Variants in UBE2R2 observed in about 807,000 individuals in gnomAD.
UBE2R2 encodes the protein ubiquitin conjugating enzyme E2 R2.
A neutral mutation model predicts 27.8 loss-of-function variants in UBE2R2; 1 was observed. The ratio of observed to expected loss-of-function variants is 0.04; its 90% confidence interval spans 0.01 to 0.17. The LOEUF (loss-of-function observed/expected upper bound fraction) is 0.17, where lower values mean the gene tolerates loss of function less well. Among genes scored for constraint, UBE2R2 ranks in the 10% least tolerant of loss-of-function variants. UBE2R2 has a pLI of 1.00. For missense variants in UBE2R2, 100 were observed against 291.0 expected, an observed-to-expected ratio of 0.34 and a Z score of 4.78; for synonymous variants, 106 against 113.3, an observed-to-expected ratio of 0.94 and a Z score of 0.41.
intron 1 of UBE2R2, among the ~76,000 whole-genome samples, chr9:33,832,863 T>C (rs1208436135): frequency 1.3e-5 from 2 of 152,144 alleles, no homozygotes; most frequent in African/African-American, 2.4e-5. Flanking sequence ...TGAATTTTGA[T>C]AAATGTATAG....
intron 1 of UBE2R2, among the ~76,000 whole-genome samples, chr9:33,860,981 C>G (rs1489208996): frequency 7.3e-6 from 1 of 137,660 alleles, no homozygotes; most frequent in African/African-American, 2.7e-5. Flanking sequence ...TTTTTTGAGA[C>G]GGAGTCTCGC....
chr9:33,885,017 A>G (rs989759804), intron 1 of UBE2R2, among the ~76,000 whole-genome samples: 1 of 152,164 alleles, frequency 6.6e-6, no homozygotes, highest in African/African-American at 2.4e-5. Flanking sequence ...TGGTCAGGTA[A>G]TGATTGAACA....
chr9:33,860,397 T>TA (rs1208994190), intron 1 of UBE2R2, among the ~76,000 whole-genome samples: 2 of 152,218 alleles, frequency 1.3e-5, no homozygotes, highest in Non-Finnish European at 2.9e-5. Context: ...AGTGACCTGT[T>TA]ACTACGCCCT....
chr9:33,855,568 G>A (rs148321280), intron 1 of UBE2R2, among the ~76,000 whole-genome samples: 64 of 152,244 alleles, frequency 4.2e-4, no homozygotes, highest in Non-Finnish European at 8.2e-4. Context: ...TGAGAGGAGG[G>A]TGATCCCCAG....
chr9:33,910,692 G>A (rs1822464395), intron 3 of UBE2R2, among the ~76,000 whole-genome samples: 1 of 152,174 alleles, frequency 6.6e-6, no homozygotes, highest in East Asian at 1.9e-4. Flanking sequence ...TAGTTCTTCT[G>A]TTTGAAGGAT....
At chr9:33,830,529 G>T (rs1344824757) in intron 1 of UBE2R2, among the ~76,000 whole-genome samples, 1 of 151,088 alleles carries the variant, frequency 6.6e-6, no homozygotes, top group Non-Finnish European at 1.5e-5. Flanking sequence ...CACTTTGGGA[G>T]GTCGAGGTGG....
chr9:33,895,961 C>T lies in UBE2R2; in HGVS notation c.265-4213C>T, dbSNP rs538554818. On this transcript the variant is annotated intron_variant, in intron 2 of 4. Coordinates refer to ENST00000263228, the MANE Select transcript of UBE2R2 (RefSeq NM_017811.4). ...CAAATTTTTTGTATTTTTGTAGAGACGGGGTTTCACCATGTTGGCCAGGAT... is the reference window on the plus strand; with the variant it reads ...CAAATTTTTTGTATTTTTGTAGAGATGGGGTTTCACCATGTTGGCCAGGAT... 7.3e-5 allele frequency among the ~76,000 whole-genome samples: 11 copies of T among 151,664 alleles called. No individual in the cohort carries two copies. In the South Asian group the frequency reaches 1.9e-3, roughly 26 times the overall value.
chr9:33,884,362 GC>G (rs1264115897), intron 1 of UBE2R2, among the ~76,000 whole-genome samples: 1 of 145,192 alleles, frequency 6.9e-6, no homozygotes, highest in Admixed American at 7.1e-5. Flanking sequence ...ATAGCCCACT[GC>G]AGCCCCACCT....
chr9:33,830,544 A>G (rs540301573), intron 1 of UBE2R2, among the ~76,000 whole-genome samples: 18 of 150,076 alleles, frequency 1.2e-4, no homozygotes, highest in Admixed American at 7.3e-4. Flanking sequence ...AGGTGGGCAG[A>G]TCACCTGAGG....
chr9:33,840,706 A>G (rs72725375), intron 1 of UBE2R2, among the ~76,000 whole-genome samples: 11,990 of 152,140 alleles, frequency 0.079, 679 homozygotes, highest in Non-Finnish European at 0.12. Flanking sequence ...ATGGTTTAAA[A>G]ATAGTGACAT....
intron 1 of UBE2R2, among the ~76,000 whole-genome samples, chr9:33,876,811 G>A (rs1821612884): frequency 1.3e-5 from 2 of 152,046 alleles, no homozygotes; most frequent in South Asian, 4.1e-4. Flanking sequence ...AGCTACTCAG[G>A]AGGCTGAGGC....
intron 1 of UBE2R2, among the ~76,000 whole-genome samples, chr9:33,846,510 C>G (rs907938537): frequency 2.0e-5 from 3 of 152,106 alleles, no homozygotes; most frequent in African/African-American, 7.2e-5. Context: ...TTTTCTCTCT[C>G]TCTCTCTTTT....
intron 1 of UBE2R2, among the ~76,000 whole-genome samples, chr9:33,821,759 G>A (rs1436188672): frequency 6.6e-6 from 1 of 151,822 alleles, no homozygotes; most frequent in Non-Finnish European, 1.5e-5. Context: ...GGGATTACCG[G>A]CGTGCGCCAT....
intron 1 of UBE2R2, among the ~76,000 whole-genome samples, chr9:33,828,709 G>GT (rs1276260867): frequency 1.3e-5 from 2 of 151,082 alleles, no homozygotes; most frequent in African/African-American, 2.4e-5. Context: ...TTACAGGCAT[G>GT]TGCCACCATG....
Position 33,917,262 on chromosome 9 carries a change from T to C in UBE2R2, c.*25T>C. 1 of 1,611,658 alleles carries C rather than the reference T, an allele frequency of 6.2e-7. No individual in the cohort carries two copies. Among genetic ancestry groups the C allele is most frequent in the Non-Finnish European group, 8.5e-7 (1 of 1,178,852 alleles). On this transcript the variant is annotated 3_prime_UTR_variant, in exon 5 of 5. Transcript: ENST00000263228. ...ACGTGCTCCTTCAGTGCCCCTGTAC[T>C]GCCCTGCCATCTCAGGCCAAAGGGA...
chr9:33,883,590 C>T (rs1286007986), intron 1 of UBE2R2, among the ~76,000 whole-genome samples: 2 of 151,638 alleles, frequency 1.3e-5, no homozygotes, highest in Non-Finnish European at 2.9e-5. Flanking sequence ...GTGGCATGCC[C>T]CTGTAGTCCC....
intron 1 of UBE2R2, among the ~76,000 whole-genome samples, chr9:33,873,959 T>TC (rs1472871875): frequency 6.6e-6 from 1 of 151,642 alleles, no homozygotes; most frequent in East Asian, 1.9e-4. Flanking sequence ...AATTTTTTTT[T>TC]TTTTTTTGGA....
intron 2 of UBE2R2, among the ~76,000 whole-genome samples, chr9:33,888,492 T>G (rs10081727): frequency 0.018 from 2,797 of 152,276 alleles, 88 homozygotes; most frequent in African/African-American, 0.063. Flanking sequence ...GAAACTGAGC[T>G]AACATCACCT....
rs1825810021 is a variant in UBE2R2 at position 33,817,302 on chromosome 9, C to G, written c.-456C>G. Among the ~76,000 whole-genome samples the G allele has an allele frequency of 1.3e-5, 2 of 150,454 alleles. No homozygotes were observed. The highest frequency in any genetic ancestry group is 1.3e-4 in the Admixed American group (2 of 15,206). ...TCTCCCCCCACCCTCTCCTGCCCCG[C>G]GCGCCCTCCGGCCCCTGCGGCCCCC... On this transcript the variant is annotated 5_prime_UTR_variant, in exon 1 of 5. Transcript: ENST00000263228.
Sources: allele counts gnomAD v4.1 joint callset (sites outside exome capture counted in the v4.1 genomes callset), GRCh38; gene constraint gnomAD v4.1.1; transcripts MANE v1.5; gene names NCBI Gene and HGNC (gene_info 2026-07-23, HGNC 2026-07-21).